NKTR: variants seen among roughly 807,000 people sequenced by gnomAD.
The protein encoded by NKTR is natural killer cell triggering receptor.
Under a neutral mutation model 156.3 loss-of-function variants are expected in NKTR, and 67 were observed. The observed-to-expected ratio is 0.43, with a 90% CI of 0.35 to 0.53. The LOEUF is 0.53. NKTR is among the 20% of genes least tolerant of loss of function. The pLI, the probability that NKTR is intolerant of heterozygous loss-of-function variation, is 0.01. For missense variants in NKTR, 1,604 were observed against 1,730.9 expected (o/e 0.93, Z 1.30); for synonymous variants, 640 against 596.6 (o/e 1.07, Z -1.06).
Position 42,642,555 on chromosome 3 carries a change from C to T in NKTR, c.4101C>T (p.Thr1367=). ...RSRGWYSRGR[T]RSRSSSYRSY... is the part of the protein sequence containing the mutation. The stretch of plus-strand genomic sequence containing the variant: ...GAGGATGGTACAGCAGAGGCCGAAC[C>T]AGAAGCCGGAGCAGTTCCTACCGGA... Residue 1367 remains threonine, a synonymous_variant, in exon 14 of 17, where the codon ACC becomes ACT. Transcript: ENST00000232978. 1 of 1,614,104 alleles carries T rather than the reference C, an allele frequency of 6.2e-7. No individual in the cohort carries two copies. Among genetic ancestry groups the T allele is most frequent in the Non-Finnish European group, 8.5e-7 (1 of 1,179,988 alleles).
intron 2 of NKTR, among the ~76,000 whole-genome samples, chr3:42,604,893 A>G (rs1706079256): frequency 6.6e-6 from 1 of 151,110 alleles, no homozygotes; most frequent in African/African-American, 2.4e-5. Context: ...TTTCTTCATG[A>G]TGCCCAGGCT....
At position 42,648,589 on chromosome 3, in the gene NKTR, G is replaced by C. The variant is rs181017725; in HGVS notation, c.*2614G>C. The C allele has an allele frequency of 3.0e-3, 463 of 152,726 alleles. 3 individuals are homozygous for C. Among genetic ancestry groups the C allele is most frequent in the African/African-American group, 0.011 (447 of 41,556 alleles). The allele number at this position is 152,726 out of a possible 1,614,324, so 9.5% of individuals were successfully genotyped here. A position where few individuals can be genotyped will look rare whatever the true frequency, so the allele number is the denominator to read the frequency against. ...TATTGGACTGTTTTTGTAACATCCT[G>C]TTTATTGCAAATAGCTAGTATCGTT... is the stretch of plus-strand genomic sequence containing the variant. On this transcript the variant is annotated 3_prime_UTR_variant, in exon 17 of 17. Coordinates refer to ENST00000232978, the MANE Select transcript of NKTR (RefSeq NM_005385.4).
Position 42,639,008 on chromosome 3 carries a change from G to A in NKTR, c.3304G>A (p.Val1102Met). The change falls in exon 13 of 17, where the codon GTG (valine) becomes ATG (methionine). Residue 1102 changes from valine to methionine, a missense_variant. Val to Met is a conservative substitution (Grantham distance 21). Transcript: ENST00000232978. ...CACAGCTTTAAATACTGAGGAAAAT[G>A]TGGCCTGTTTACAAAACATTCAGCA... ...SPTALNTEENVACLQNIQHVE... is the reference protein window; with the variant it reads ...SPTALNTEENMACLQNIQHVE... 1.9e-6 allele frequency: 3 copies of A among 1,613,654 alleles called. No homozygotes were observed. The South Asian group carries it at 3.3e-5, about 18-fold the overall frequency.
In NKTR at chr3:42,638,248, G is replaced by C. The variant is rs779941088; in HGVS notation, c.2544G>C (p.Lys848Asn). 1.2e-6 allele frequency: 2 copies of C among 1,612,856 alleles called. No individual in the cohort carries two copies. Among genetic ancestry groups the C allele is most frequent in the Non-Finnish European group, 1.7e-6 (2 of 1,179,812 alleles). ...QEKNRGEEKS[K>N]SERECPHSKK... ...AAAACAGAGGTGAAGAAAAATCCAA[G>C]TCTGAACGGGAATGCCCTCATTCAA... The change falls in exon 13 of 17, where the codon AAG becomes AAC. Residue 848 changes from lysine (K) to asparagine (N), a missense_variant. Transcript: ENST00000232978.
intron 13 of NKTR, among the ~76,000 whole-genome samples, chr3:42,640,573 ATCAG>A (rs1709801933): frequency 1.3e-5 from 2 of 152,238 alleles, no homozygotes; most frequent in Admixed American, 1.3e-4. Flanking sequence ...CTAGTTATTC[ATCAG>A]TCTTTCTTCC....
chr3:42,638,001 A>T lies in NKTR; in HGVS notation c.2297A>T (p.Asn766Ile), dbSNP rs1360064691. ...AGACTTAGATCCAGTGGGAAAAAAA[A>T]TAGCGTTTCACATAAAAAGCATAGC... ...KRRLRSSGKK[N>I]SVSHKKHSSS... The change falls in exon 13 of 17, where the codon AAT (asparagine) becomes ATT (isoleucine). Residue 766 changes from asparagine to isoleucine, a missense_variant. Physicochemically the swap from Asn to Ile is moderately radical, Grantham distance 149. Coordinates refer to ENST00000232978, the MANE Select transcript of NKTR (RefSeq NM_005385.4). 1 of 1,614,150 alleles carries T rather than the reference A, an allele frequency of 6.2e-7. No individual in the cohort carries two copies. Among genetic ancestry groups the T allele is most frequent in the Non-Finnish European group, 8.5e-7 (1 of 1,180,022 alleles).
At chr3:42,622,782 AGT>A (rs1177302852) in intron 6 of NKTR, among the ~76,000 whole-genome samples, 5 of 152,068 alleles carry the variant, frequency 3.3e-5, no homozygotes, top group African/African-American at 4.8e-5. Flanking sequence ...CCTTTTTAAT[AGT>A]AACTTAATGT....
At chr3:42,636,007 C>T (rs1431738245) in intron 12 of NKTR, among the ~76,000 whole-genome samples, 1 of 152,154 alleles carries the variant, frequency 6.6e-6, no homozygotes, top group Admixed American at 6.5e-5. Context: ...GGAAAACCTG[C>T]ACTCGGTGTT....
At position 42,609,139 on chromosome 3, in the gene NKTR, A is replaced by AAG. The variant is rs1553656427; in HGVS notation, c.58+8076_58+8077insGA. On this transcript the variant is annotated intron_variant, in intron 2 of 16. Coordinates refer to ENST00000232978, the MANE Select transcript of NKTR (RefSeq NM_005385.4). The stretch of plus-strand genomic sequence containing the variant: ...CAAGACTCATATATCAAAAAAAAAA[A>AAG]AAGAAGAAAGATCAAATAGAACAAA... 9.4e-3 allele frequency among the ~76,000 whole-genome samples: 1,428 copies of AAG among 151,518 alleles called. 18 individuals are homozygous for AAG. The highest frequency in any genetic ancestry group is 0.032 in the African/African-American group (1,328 of 41,212).
Position 42,637,323 on chromosome 3 carries a change from A to G in NKTR, c.1619A>G (p.Lys540Arg). The G allele has an allele frequency of 6.2e-7, 1 of 1,614,212 alleles. No individual in the cohort carries two copies. The highest frequency in any genetic ancestry group is 8.5e-7 in the Non-Finnish European group (1 of 1,180,032). Residue 540 changes from lysine (K) to arginine (R), a missense_variant, in exon 13 of 17, where the codon AAG (lysine) becomes AGG (arginine). Lys to Arg is a conservative substitution (Grantham distance 26, BLOSUM62 2). Transcript: ENST00000232978. ...AGCTCAAGATCAAGGACTGCGTCAA[A>G]GTCCTCATCACATTCTCGAAGTAGA... The part of the protein sequence containing the change: ...RGSSRSRTAS[K>R]SSSHSRSRSK...
At chr3:42,624,609 C>T (rs1213076044) in intron 6 of NKTR, among the ~76,000 whole-genome samples, 1 of 152,004 alleles carries the variant, frequency 6.6e-6, no homozygotes, top group Non-Finnish European at 1.5e-5. Context: ...ATTTTATTTA[C>T]AATCTGGAAG....
At chr3:42,634,761 C>A in intron 11 of NKTR, 61 bp downstream of exon 11, 3 of 860,572 alleles carry the variant, frequency 3.5e-6, no homozygotes, top group South Asian at 1.6e-5. Flanking sequence ...TACCTATTTT[C>A]AAAGTCCTAG....
In NKTR at chr3:42,634,609, C is replaced by G. The variant is rs758836625; in HGVS notation, c.930-4C>G. On this transcript the variant is annotated splice_region_variant and splice_polypyrimidine_tract_variant and intron_variant, in intron 10 of 16. Coordinates refer to ENST00000232978, the MANE Select transcript of NKTR (RefSeq NM_005385.4). ...TAATTTTCATCACAATCTTCTTTTCCTAGGAAGATTCCTGATGTTGCACCC... is the reference window on the plus strand; with the variant it reads ...TAATTTTCATCACAATCTTCTTTTCGTAGGAAGATTCCTGATGTTGCACCC... 6.6e-7 allele frequency: 1 copy of G among 1,504,386 alleles called. No individual in the cohort carries two copies. The highest frequency in any genetic ancestry group is 9.0e-7 in the Non-Finnish European group (1 of 1,106,576). The allele number at this position is 1,504,386 out of a possible 1,614,324, so 93.2% of individuals were successfully genotyped here.
chr3:42,643,517 A>G, intron 15 of NKTR, 122 bp downstream of exon 15: 1 of 797,116 alleles, frequency 1.3e-6, no homozygotes, highest in Non-Finnish European at 2.1e-6. Context: ...TCCTGAAACC[A>G]TACCTTTTCT....
At chr3:42,621,017 A>G (rs1707854461) in intron 5 of NKTR, 10 of 971,696 alleles carry the variant, frequency 1.0e-5, no homozygotes, top group Non-Finnish European at 1.1e-5. Flanking sequence ...AAAATTAAAC[A>G]CCTAAAAAGA....
chr3:42,631,977 T>TA (rs1708949339), intron 8 of NKTR, among the ~76,000 whole-genome samples: 1 of 152,104 alleles, frequency 6.6e-6, no homozygotes, highest in Non-Finnish European at 1.5e-5. Context: ...AATGTTATGT[T>TA]AAACTACCCC....
Position 42,637,453 on chromosome 3 carries a change from A to G in NKTR, c.1749A>G (p.Glu583=). ...QLSENKPVKT[E]PLRATMAQNE... is the part of the protein sequence containing the mutation. ...GTGAAAATAAACCAGTTAAAACAGA[A>G]CCTTTAAGAGCAACCATGGCACAAA... Residue 583 remains glutamate (E), a synonymous_variant, in exon 13 of 17, where the codon GAA becomes GAG. Coordinates refer to ENST00000232978, the MANE Select transcript of NKTR (RefSeq NM_005385.4). The G allele has an allele frequency of 6.2e-7, 1 of 1,612,952 alleles. No individual in the cohort carries two copies. The highest frequency in any genetic ancestry group is 8.5e-7 in the Non-Finnish European group (1 of 1,179,700).
chr3:42,626,761 TC>T (rs1442986595), intron 6 of NKTR, among the ~76,000 whole-genome samples: 1 of 152,164 alleles, frequency 6.6e-6, no homozygotes, highest in African/African-American at 2.4e-5. Flanking sequence ...TTTTGGATGA[TC>T]TTAACTCACT....
chr3:42,607,629 A>T (rs1706350626), intron 2 of NKTR, among the ~76,000 whole-genome samples: 1 of 152,214 alleles, frequency 6.6e-6, no homozygotes, highest in Non-Finnish European at 1.5e-5. Context: ...TTTGTCAGTA[A>T]ACTAGAAGGA....
Sources: gnomAD v4.1 joint callset for allele counts (sites outside exome capture counted in the v4.1 genomes callset) on GRCh38, gnomAD v4.1.1 for gene constraint, MANE v1.5 for transcripts, NCBI Gene and HGNC (gene_info 2026-07-23, HGNC 2026-07-21) for gene names.